The following WARS2 variants were observed in gnomAD, a reference collection of about 807,000 sequenced individuals.
The protein encoded by WARS2 is tryptophanyl tRNA synthetase 2, mitochondrial, also known as tryptophan--tRNA ligase, mitochondrial.
Under a neutral mutation model 36.5 loss-of-function variants are expected in WARS2, and 28 were observed. That is an observed-to-expected ratio of 0.77 (90% CI 0.57 to 1.05). The LOEUF is 1.05. Among genes scored for constraint, WARS2 ranks in the 50% least tolerant of loss-of-function variants. WARS2 has a pLI of 0.00. For missense variants in WARS2, 435 were observed against 456.8 expected (o/e 0.95, Z 0.44); for synonymous variants, 174 against 178.4 (o/e 0.98, Z 0.20).
At chr1:119,038,960 G>A (rs1648117288) in intron 4 of WARS2, among the ~76,000 whole-genome samples, 1 of 152,182 alleles carries the variant, frequency 6.6e-6, no homozygotes, top group African/African-American at 2.4e-5. Flanking sequence ...GGGATTACAG[G>A]CGTGAGCCAC....
At chr1:119,085,502 A>G (rs587639403) in intron 1 of WARS2, 7 of 1,574,656 alleles carry the variant, frequency 4.4e-6, no homozygotes, top group Middle Eastern at 1.7e-4. Flanking sequence ...TTGGTTTTTC[A>G]TCTTCAGAGC....
At chr1:119,036,989 C>G (rs753837437) in intron 4 of WARS2, among the ~76,000 whole-genome samples, 5 of 152,138 alleles carry the variant, frequency 3.3e-5, no homozygotes, top group Non-Finnish European at 7.3e-5. Context: ...TTCATCTTGT[C>G]TTTGATTCTA....
intron 1 of WARS2, among the ~76,000 whole-genome samples, chr1:119,088,298 G>A (rs1652812805): frequency 6.6e-6 from 1 of 152,024 alleles, no homozygotes; most frequent in African/African-American, 2.4e-5. Flanking sequence ...AATCAGTCTG[G>A]GATTTGGCAT....
chr1:119,051,244 T>A lies in WARS2; in HGVS notation c.349-5582A>T, dbSNP rs139251326. Among the ~76,000 whole-genome samples, 39 of 152,316 alleles carry A rather than the reference T, an allele frequency of 2.6e-4. No individual in the cohort carries two copies. In the East Asian group the frequency reaches 7.4e-3, roughly 29 times the overall value. On this transcript the variant is annotated intron_variant, in intron 2 of 5. Coordinates refer to ENST00000235521, the MANE Select transcript of WARS2 (RefSeq NM_015836.4). ...TTCCCCTCTATGTGTCCATGTGTTC[T>A]CATCATTTAGCTCCCACTTATAAGT...
intron 1 of WARS2, among the ~76,000 whole-genome samples, chr1:119,130,797 A>G (rs900465325): frequency 4.6e-5 from 7 of 152,146 alleles, no homozygotes; most frequent in African/African-American, 1.7e-4. Flanking sequence ...TAAGAATTAA[A>G]TCTTTATTAT....
intron 4 of WARS2, among the ~76,000 whole-genome samples, chr1:119,037,812 C>A (rs1355264719): frequency 1.3e-5 from 2 of 152,208 alleles, no homozygotes; most frequent in African/African-American, 4.8e-5. Flanking sequence ...TCATACACAT[C>A]CAGTCCTATC....
intron 1 of WARS2, among the ~76,000 whole-genome samples, chr1:119,105,026 G>A (rs1654136528): frequency 6.6e-6 from 1 of 152,208 alleles, no homozygotes. Context: ...ATAGAAGGCA[G>A]TCAAGAATCC....
At chr1:119,061,335 CAGAT>C (rs1650360660) in intron 2 of WARS2, among the ~76,000 whole-genome samples, 1 of 151,954 alleles carries the variant, frequency 6.6e-6, no homozygotes, top group South Asian at 2.1e-4. Context: ...GATGAATAAA[CAGAT>C]AGAAAATCTC....
intron 2 of WARS2, among the ~76,000 whole-genome samples, chr1:119,053,065 A>T (rs1649497413): frequency 6.6e-6 from 1 of 152,238 alleles, no homozygotes. Context: ...AGGAGAAGTC[A>T]CAAGGCAATG....
At chr1:119,080,736 A>AT (rs1198504938) in intron 1 of WARS2, among the ~76,000 whole-genome samples, 1 of 152,148 alleles carries the variant, frequency 6.6e-6, no homozygotes, top group African/African-American at 2.4e-5. Flanking sequence ...TGGGGTTGGA[A>AT]TGTGGAGTTT....
At chr1:119,050,686 GA>G (rs565535773) in intron 2 of WARS2, among the ~76,000 whole-genome samples, 49 of 151,132 alleles carry the variant, frequency 3.2e-4, no homozygotes, top group African/African-American at 8.0e-4. Context: ...ACTAGTGTGT[GA>G]AAAAAAACTG....
intron 2 of WARS2, among the ~76,000 whole-genome samples, chr1:119,068,621 C>G (rs1651056447): frequency 6.6e-6 from 1 of 152,174 alleles, no homozygotes; most frequent in Admixed American, 6.6e-5. Flanking sequence ...ATGTCCTCCA[C>G]TTTTTATCTT....
intron 1 of WARS2, among the ~76,000 whole-genome samples, chr1:119,123,870 G>A (rs74114819): frequency 0.017 from 2,562 of 151,502 alleles, 79 homozygotes; most frequent in African/African-American, 0.059. Context: ...AAGGCTTTCA[G>A]CACAGTCTAT....
intron 1 of WARS2, among the ~76,000 whole-genome samples, chr1:119,110,888 T>C (rs1175839278): frequency 6.6e-6 from 1 of 152,144 alleles, no homozygotes; most frequent in Non-Finnish European, 1.5e-5. Flanking sequence ...TGTCTCAAGC[T>C]CAGAGGTCCT....
intron 2 of WARS2, among the ~76,000 whole-genome samples, chr1:119,059,084 T>G (rs1160688709): frequency 1.3e-5 from 2 of 150,986 alleles, no homozygotes; most frequent in African/African-American, 4.8e-5. Flanking sequence ...TTTTCATGTG[T>G]TTTTTGGCTG....
intron 2 of WARS2, among the ~76,000 whole-genome samples, chr1:119,057,595 G>A (rs1286386138): frequency 6.6e-6 from 1 of 150,698 alleles, no homozygotes; most frequent in Non-Finnish European, 1.5e-5. Context: ...TTCAAGACCA[G>A]CCTGGCCAAT....
At chr1:119,118,785 T>C (rs1002360070) in intron 1 of WARS2, among the ~76,000 whole-genome samples, 12 of 152,168 alleles carry the variant, frequency 7.9e-5, no homozygotes, top group Admixed American at 2.6e-4. Flanking sequence ...TTTAGCCTCC[T>C]TAAACAAAAT....
intron 1 of WARS2, among the ~76,000 whole-genome samples, chr1:119,111,370 C>T (rs587708181): frequency 1.6e-4 from 24 of 152,210 alleles, no homozygotes; most frequent in Admixed American, 2.6e-4. Flanking sequence ...AAGTGCTTTT[C>T]GGCTTATTTT....
At chr1:119,055,739 GA>G (rs1649732654) in intron 2 of WARS2, among the ~76,000 whole-genome samples, 1 of 151,322 alleles carries the variant, frequency 6.6e-6, no homozygotes, top group African/African-American at 2.4e-5. Context: ...GGAGAAGAGG[GA>G]GGGAGGGAGG....
Sources: allele counts gnomAD v4.1 joint callset (sites outside exome capture counted in the v4.1 genomes callset), GRCh38; gene constraint gnomAD v4.1.1; transcripts MANE v1.5; gene names NCBI Gene and HGNC (gene_info 2026-07-23, HGNC 2026-07-21).